Variants in ZZEF1 observed in about 807,000 individuals in gnomAD.
The protein encoded by ZZEF1 is zinc finger ZZ-type and EF-hand domain-containing protein 1.
ZZEF1 carries 157 observed loss-of-function variants against 342.8 expected under a neutral mutation model. The observed-to-expected ratio is 0.46, with a 90% CI of 0.40 to 0.52. The LOEUF (loss-of-function observed/expected upper bound fraction) is 0.52, where lower values mean the gene tolerates loss of function less well. ZZEF1 is among the 20% of genes least tolerant of loss of function. ZZEF1 has a pLI of 0.00. For synonymous variants in ZZEF1, 1,505 were observed against 1,429.1 expected (o/e 1.05, Z -1.20); for missense variants, 3,480 against 3,725.6 (o/e 0.93, Z 1.72).
intron 30 of ZZEF1, among the ~76,000 whole-genome samples, chr17:4,059,941 C>T (rs1396208001): frequency 2.0e-5 from 3 of 152,244 alleles, no homozygotes; most frequent in Admixed American, 2.0e-4. Flanking sequence ...GCAGCCTTTT[C>T]TTCAATACCA....
At chr17:4,007,132 A>T (rs569883842) in intron 54 of ZZEF1, among the ~76,000 whole-genome samples, 162 bp from the exon 55 acceptor site, 1 of 152,294 alleles carries the variant, frequency 6.6e-6, no homozygotes, top group Non-Finnish European at 1.5e-5. Context: ...GAGAAAAAAA[A>T]TGCTATTAAG....
In ZZEF1 at chr17:4,074,286, T is replaced by C. The variant is rs751042241; in HGVS notation, c.3549A>G (p.Glu1183=). ...FLFHSDSSHN[E]WGYKFTVTAC... ...CAGTGACAGTGAATTTGTAGCCCCA[T>C]TCGTTGTGACTGCTGTCAGAGTGAA... Residue 1183 remains glutamate, a synonymous_variant, in exon 24 of 55, where the codon GAA becomes GAG. Transcript: ENST00000381638. The C allele has an allele frequency of 4.3e-6, 7 of 1,614,088 alleles. No homozygotes were observed. In the South Asian group the frequency reaches 6.6e-5, roughly 15 times the overall value.
rs369003034 is a variant in ZZEF1, at chr17:4,117,088, T to A, written c.578A>T (p.Asn193Ile). ...SSMILRFLHR[N>I]RLSSAVMPYP... is the part of the protein sequence containing the mutation. ...GGGCATCACCGCGCTGGAGAGCCGA[T>A]TGCGGTGCAGGAAGCGCAGTATCAT... Residue 193 changes from asparagine to isoleucine, a missense_variant, in exon 3 of 55, where the codon AAT becomes ATT. Asn to Ile is a moderately radical substitution (Grantham distance 149, BLOSUM62 -3). Around this residue, in one of 5 missense-constraint regions of ZZEF1, gnomAD observed 416 missense variants for 374.2 expected, o/e 1.11. Coordinates refer to ENST00000381638, the MANE Select transcript of ZZEF1 (RefSeq NM_015113.4). The A allele has an allele frequency of 1.9e-6, 3 of 1,614,160 alleles. No individual in the cohort carries two copies. Among genetic ancestry groups the A allele is most frequent in the Non-Finnish European group, 2.5e-6 (3 of 1,180,018 alleles).
chr17:4,039,914 G>A (rs898699151), intron 39 of ZZEF1, among the ~76,000 whole-genome samples: 3 of 152,076 alleles, frequency 2.0e-5, no homozygotes, highest in Non-Finnish European at 2.9e-5. Context: ...AAAGTGCTGG[G>A]ATTACAGGCG....
intron 39 of ZZEF1, among the ~76,000 whole-genome samples, chr17:4,040,036 G>T (rs142663010): frequency 6.6e-6 from 1 of 151,836 alleles, no homozygotes; most frequent in Non-Finnish European, 1.5e-5. Context: ...GAATTCCAAG[G>T]GTTAAAAAAA....
chr17:4,064,434 T>C lies in ZZEF1; in HGVS notation c.4645A>G (p.Thr1549Ala). The change falls in exon 29 of 55, where the codon ACA (threonine) becomes GCA (alanine). Residue 1549 changes from threonine (T) to alanine (A), a missense_variant. By Grantham distance (58) the Thr-to-Ala change is moderately conservative. Around this residue, in one of 5 missense-constraint regions of ZZEF1, gnomAD observed 1,528 missense variants for 1,624.1 expected, o/e 0.94. Transcript: ENST00000381638. Reference protein sequence around the residue: ...RSMEEARLVPTVKEKYPVLKD... With the variant: ...RSMEEARLVPAVKEKYPVLKD... ...AGCACAGGGTATTTCTCTTTCACTG[T>C]GGGCACCAGTCTGGCCTCCTCCATG... is the stretch of plus-strand genomic sequence containing the variant. 1 of 1,614,026 alleles carries C rather than the reference T, an allele frequency of 6.2e-7. No homozygotes were observed. The highest frequency in any genetic ancestry group is 8.5e-7 in the Non-Finnish European group (1 of 1,179,896).
intron 43 of ZZEF1, among the ~76,000 whole-genome samples, chr17:4,023,473 A>T (rs1347018861): frequency 6.6e-6 from 1 of 152,010 alleles, no homozygotes; most frequent in Non-Finnish European, 1.5e-5. Flanking sequence ...TCCCTTTCCT[A>T]CTATGATGTA....
chr17:4,137,711 T>C (rs1004202606), intron 1 of ZZEF1, among the ~76,000 whole-genome samples: 2 of 152,192 alleles, frequency 1.3e-5, no homozygotes, highest in Non-Finnish European at 2.9e-5. Context: ...CTGTGTACAA[T>C]GGTAGTGCAG....
At chr17:4,079,107 T>C (rs1289497548) in intron 18 of ZZEF1, among the ~76,000 whole-genome samples, 2 of 152,252 alleles carry the variant, frequency 1.3e-5, no homozygotes, top group African/African-American at 4.8e-5. Flanking sequence ...GGCAAAATGC[T>C]ATCTCATTTC....
At chr17:4,080,670 A>C (rs8078629) in intron 18 of ZZEF1, among the ~76,000 whole-genome samples, 27,032 of 152,122 alleles carry the variant, frequency 0.18, 2,448 homozygotes, top group East Asian at 0.18. Context: ...GATTACAGGC[A>C]TGAGCCACTG....
At position 4,114,285 on chromosome 17, in the gene ZZEF1, T is replaced by C. The variant is rs766565338; in HGVS notation, c.866+14A>G. ...AAAATTTTAAAAAACAAAAAAGTAT[T>C]ATATACCACCCACCGAATCCAGTGT... On this transcript the variant is annotated intron_variant, in intron 4 of 54. Coordinates refer to ENST00000381638, the MANE Select transcript of ZZEF1 (RefSeq NM_015113.4). The C allele has an allele frequency of 1.2e-5, 18 of 1,546,838 alleles. No homozygotes were observed. Among genetic ancestry groups the C allele is most frequent in the Admixed American group, 2.2e-5 (1 of 46,050 alleles).
chr17:4,019,175 A>C (rs1213458543), intron 46 of ZZEF1, among the ~76,000 whole-genome samples: 1 of 152,150 alleles, frequency 6.6e-6, no homozygotes, highest in Non-Finnish European at 1.5e-5. Context: ...TTAAATGAGA[A>C]TTTACAATGA....
intron 1 of ZZEF1, among the ~76,000 whole-genome samples, chr17:4,138,348 T>C (rs977433235): frequency 3.3e-5 from 5 of 152,162 alleles, no homozygotes; most frequent in African/African-American, 1.2e-4. Context: ...CATAATAATA[T>C]GAAGACGAGC....
chr17:4,058,102 T>G lies in ZZEF1; in HGVS notation c.5057A>C (p.Asp1686Ala). 3 of 1,614,018 alleles carry G rather than the reference T, an allele frequency of 1.9e-6. No individual in the cohort carries two copies. Among genetic ancestry groups the G allele is most frequent in the Non-Finnish European group, 2.5e-6 (3 of 1,179,954 alleles). ...GAGATCATTGGGTTCCCAGCCCATATCCAAAAGATGAAGCAGGGCTGTCTG... is the reference window on the plus strand; with the variant it reads ...GAGATCATTGGGTTCCCAGCCCATAGCCAAAAGATGAAGCAGGGCTGTCTG... Reference protein sequence around the residue: ...CVQTALLHLLDMGWEPNDLAF... With the variant: ...CVQTALLHLLAMGWEPNDLAF... Residue 1686 changes from aspartate to alanine, a missense_variant, in exon 32 of 55, where the codon GAT becomes GCT. This residue lies in a region of ZZEF1 where 1,528 missense variants were observed against 1,624.1 expected (regional missense o/e 0.94). Transcript: ENST00000381638.
At chr17:4,059,107 A>G in intron 31 of ZZEF1, 64 bp downstream of exon 31, 1 of 1,391,560 alleles carries the variant, frequency 7.2e-7, no homozygotes. Context: ...GTGAACATAT[A>G]TTTCTTTTAT....
intron 32 of ZZEF1, 52 bp from the exon 33 acceptor site, chr17:4,056,397 A>G: frequency 6.6e-6 from 10 of 1,521,956 alleles, no homozygotes; most frequent in Non-Finnish European, 8.8e-6. Flanking sequence ...ATCACCAAGG[A>G]AAGTACTGGT....
chr17:4,018,403 C>T (rs2056174185), intron 46 of ZZEF1, among the ~76,000 whole-genome samples: 10 of 152,078 alleles, frequency 6.6e-5, no homozygotes, highest in Admixed American at 6.6e-4. Context: ...GCTCATACCA[C>T]CATGCCTGGA....
chr17:4,081,475 G>A lies in ZZEF1; in HGVS notation c.2730C>T (p.Gly910=), dbSNP rs550728461. ...TCTTCTCAGGTAAAAGAAGAAGGCC[G>A]CCTGGATCCTTGTCACTGAAAGGAT... ...LCTYFSDKDP[G]GLLLLPEKND... is the part of the protein sequence containing the mutation. Residue 910 remains glycine (G), a synonymous_variant, in exon 18 of 55, where the codon GGC becomes GGT. Coordinates refer to ENST00000381638, the MANE Select transcript of ZZEF1 (RefSeq NM_015113.4). 3.7e-6 allele frequency: 6 copies of A among 1,613,826 alleles called. No homozygotes were observed. The highest frequency in any genetic ancestry group is 1.6e-4 in the Middle Eastern group (1 of 6,068).
At chr17:4,018,950 G>A (rs2144968576) in intron 46 of ZZEF1, among the ~76,000 whole-genome samples, 1 of 141,976 alleles carries the variant, frequency 7.0e-6, no homozygotes, top group South Asian at 2.1e-4. Context: ...GTGGAGCAGA[G>A]CTGTCACCCA....
Sources: allele counts gnomAD v4.1 joint callset (sites outside exome capture counted in the v4.1 genomes callset), GRCh38; gene constraint gnomAD v4.1.1; regional missense constraint gnomAD v4.1.1; transcripts MANE v1.5; gene names NCBI Gene and HGNC (gene_info 2026-07-23, HGNC 2026-07-21).